PARD3: variants seen among roughly 807,000 people sequenced by gnomAD.
PARD3 encodes the protein par-3 family cell polarity regulator.
Under a neutral mutation model 155.4 loss-of-function variants are expected in PARD3, and 75 were observed. That is an observed-to-expected ratio of 0.48 (90% CI 0.40 to 0.58). The LOEUF (loss-of-function observed/expected upper bound fraction) is 0.58, where lower values mean the gene tolerates loss of function less well. PARD3 is among the 20% of genes least tolerant of loss of function. PARD3 has a pLI of 0.00. For missense variants in PARD3, 1,642 were observed against 1,721.7 expected (o/e 0.95, Z 0.82); for synonymous variants, 576 against 610.5 (o/e 0.94, Z 0.83).
chr10:34,776,539 A>C (rs1464490191), intron 1 of PARD3, among the ~76,000 whole-genome samples: 1 of 151,300 alleles, frequency 6.6e-6, no homozygotes. Flanking sequence ...AATTAGCTGA[A>C]GTTCTTGAAC....
At chr10:34,653,797 A>G (rs75712538) in intron 2 of PARD3, among the ~76,000 whole-genome samples, 3 of 146,316 alleles carry the variant, frequency 2.1e-5, no homozygotes, top group African/African-American at 7.4e-5. Context: ...TCGACTCCAA[A>G]AAAAAAAAAA....
chr10:34,608,631 T>C (rs1257969465), intron 2 of PARD3, among the ~76,000 whole-genome samples: 4 of 147,738 alleles, frequency 2.7e-5, no homozygotes, highest in Admixed American at 1.4e-4. Flanking sequence ...ACCTCCCAGG[T>C]TCAAGCAGTT....
chr10:34,252,870 C>T lies in PARD3; in HGVS notation c.3419+16787G>A, dbSNP rs183829694. On this transcript the variant is annotated intron_variant, in intron 22 of 24. Coordinates refer to ENST00000374788, the MANE Select transcript of PARD3 (RefSeq NM_001184785.2). Reference sequence around the variant, plus strand: ...TTGCTGTAAAGGAAATCATAGTGAACGATCAGAAAACCACCTGCACTTTTA... The same window carrying T: ...TTGCTGTAAAGGAAATCATAGTGAATGATCAGAAAACCACCTGCACTTTTA... 2.1e-4 allele frequency among the ~76,000 whole-genome samples: 32 copies of T among 151,866 alleles called. 1 individual carries two copies. Among genetic ancestry groups the T allele is most frequent in the Non-Finnish European group, 4.1e-4 (28 of 67,988 alleles).
rs772584882 is a variant in PARD3, at chr10:34,384,242, T to C, written c.903A>G (p.Leu301=). ...CACCTTTCTCCAATCGTTTTACTAA[T>C]AACCCCAGGGTTCTGGAACATTAAG... ...FSARGGRTLG[L]LVKRLEKGGK... is the part of the protein sequence containing the mutation. Residue 301 remains leucine, a synonymous_variant, in exon 8 of 25, where the codon TTA becomes TTG. Coordinates refer to ENST00000374788, the MANE Select transcript of PARD3 (RefSeq NM_001184785.2). 17 of 1,613,712 alleles carry C rather than the reference T, an allele frequency of 1.1e-5. No individual in the cohort carries two copies. In the East Asian group the frequency reaches 1.8e-4, roughly 17 times the overall value.
At chr10:34,684,872 CACACAT>C (rs1198864136) in intron 2 of PARD3, among the ~76,000 whole-genome samples, 40 of 96,006 alleles carry the variant, frequency 4.2e-4, no homozygotes, top group African/African-American at 1.3e-3. Context: ...TATATATACA[CACACAT>C]ACACACACAC....
At chr10:34,766,288 C>G (rs1564596989) in intron 1 of PARD3, among the ~76,000 whole-genome samples, 1 of 152,148 alleles carries the variant, frequency 6.6e-6, no homozygotes, top group Non-Finnish European at 1.5e-5. Context: ...AAAGCTGACA[C>G]TAGCAGGTCA....
At chr10:34,805,876 C>T (rs1466538822) in intron 1 of PARD3, among the ~76,000 whole-genome samples, 4 of 151,832 alleles carry the variant, frequency 2.6e-5, no homozygotes, top group African/African-American at 9.7e-5. Context: ...ACTCGGGAGG[C>T]TGAGGCAGGA....
intron 22 of PARD3, among the ~76,000 whole-genome samples, chr10:34,133,219 T>C (rs1326933149): frequency 3.9e-5 from 6 of 152,122 alleles, no homozygotes; most frequent in African/African-American, 7.2e-5. Flanking sequence ...CACTGCAACA[T>C]GCCCACTGGA....
chr10:34,313,178 G>C (rs1231712094), intron 20 of PARD3, among the ~76,000 whole-genome samples: 1 of 152,096 alleles, frequency 6.6e-6, no homozygotes, highest in African/African-American at 2.4e-5. Flanking sequence ...TTGAATAGCC[G>C]AGTGTCTGAG....
chr10:34,310,038 C>T (rs893872332), intron 20 of PARD3, among the ~76,000 whole-genome samples: 5 of 152,002 alleles, frequency 3.3e-5, no homozygotes, highest in Non-Finnish European at 5.9e-5. Flanking sequence ...AACCATTCAA[C>T]GCTCAATTAG....
At chr10:34,469,502 G>A (rs2078216537) in intron 4 of PARD3, among the ~76,000 whole-genome samples, 1 of 152,184 alleles carries the variant, frequency 6.6e-6, no homozygotes, top group African/African-American at 2.4e-5. Flanking sequence ...AATTAGGTCA[G>A]GGAAGAAAGT....
At chr10:34,384,000 C>G in intron 8 of PARD3, 129 bp downstream of exon 8, 1 of 860,678 alleles carries the variant, frequency 1.2e-6, no homozygotes, top group Non-Finnish European at 1.7e-6. Context: ...TTTTTAAAAG[C>G]TAATGGCAGA....
rs144293212 is a variant in PARD3 at position 34,615,701 on chromosome 10, C to T, written c.222+80617G>A. On this transcript the variant is annotated intron_variant, in intron 2 of 24. Transcript: ENST00000374788. The stretch of plus-strand genomic sequence containing the variant: ...GAGAAAATATGTGCAAACTATTCAT[C>T]CACCAAGGGAGTAAAATATACGATA... Among the ~76,000 whole-genome samples, 554 of 152,248 alleles carry T rather than the reference C, an allele frequency of 3.6e-3. 3 individuals are homozygous for T. The highest frequency in any genetic ancestry group is 0.013 in the African/African-American group (529 of 41,544).
At chr10:34,134,355 T>C (rs1328871008) in intron 22 of PARD3, among the ~76,000 whole-genome samples, 3 of 152,214 alleles carry the variant, frequency 2.0e-5, no homozygotes, top group Non-Finnish European at 4.4e-5. Flanking sequence ...CAAAGTATTT[T>C]ACAAATCTAA....
rs1839309625 is a variant in PARD3, at chr10:34,360,198, T to C, written c.1769A>G (p.Glu590Gly). Residue 590 changes from glutamate to glycine, a missense_variant, in exon 13 of 25, where the codon GAA (glutamate) becomes GGA (glycine). Physicochemically the swap from Glu to Gly is moderately conservative, Grantham distance 98. Coordinates refer to ENST00000374788, the MANE Select transcript of PARD3 (RefSeq NM_001184785.2). ...AGATCCTGAATCATTAAGTGGGACT[T>C]CAAATGTCAGAAATTCCCTGGTGCC... ...PDGTREFLTF[E>G]VPLNDSGSAG... 1 of 1,613,824 alleles carries C rather than the reference T, an allele frequency of 6.2e-7. No homozygotes were observed. The highest frequency in any genetic ancestry group is 1.1e-5 in the South Asian group (1 of 91,072).
intron 20 of PARD3, among the ~76,000 whole-genome samples, chr10:34,293,542 A>T (rs1956771611): frequency 6.6e-6 from 1 of 152,208 alleles, no homozygotes; most frequent in Non-Finnish European, 1.5e-5. Flanking sequence ...CTAAATGCTT[A>T]ATTTGGCATT....
At chr10:34,123,947 C>T (rs1010886482) in intron 23 of PARD3, among the ~76,000 whole-genome samples, 2 of 152,110 alleles carry the variant, frequency 1.3e-5, no homozygotes, top group Admixed American at 1.3e-4. Context: ...TGCGAGTGTG[C>T]TGCCACTTAT....
intron 15 of PARD3, among the ~76,000 whole-genome samples, chr10:34,347,354 C>T (rs1388865266): frequency 1.3e-5 from 2 of 152,242 alleles, no homozygotes; most frequent in Non-Finnish European, 2.9e-5. Flanking sequence ...GTGCTAATAA[C>T]CTCATTACCC....
rs16935537 is a variant in PARD3, at chr10:34,568,199, C to T, written c.223-51040G>A. On this transcript the variant is annotated intron_variant, in intron 2 of 24. Transcript: ENST00000374788. ...AGCCTTCCAAAAATTGCATTTTATGCTGCTGGAATATCACTGACCATAAAG... is the reference window on the plus strand; with the variant it reads ...AGCCTTCCAAAAATTGCATTTTATGTTGCTGGAATATCACTGACCATAAAG... 8.8e-3 allele frequency among the ~76,000 whole-genome samples: 1,337 copies of T among 152,256 alleles called. 12 individuals carry two copies. The highest frequency in any genetic ancestry group is 0.025 in the African/African-American group (1,055 of 41,558).
Sources: gnomAD v4.1 joint callset for allele counts (sites outside exome capture counted in the v4.1 genomes callset) on GRCh38, gnomAD v4.1.1 for gene constraint, MANE v1.5 for transcripts, NCBI Gene and HGNC (gene_info 2026-07-23, HGNC 2026-07-21) for gene names.